The following ACAD11 variants were observed in gnomAD, a reference collection of about 807,000 sequenced individuals.
ACAD11 encodes acyl-Coenzyme A dehydrogenase family, member 11.
ACAD11 carries 83 observed loss-of-function variants against 102.2 expected under a neutral mutation model. The ratio of observed to expected loss-of-function variants is 0.81; its 90% CI spans 0.68 to 0.97. The LOEUF (loss-of-function observed/expected upper bound fraction) is 0.97. ACAD11 is among the 50% of genes least tolerant of loss of function. The pLI is 0.00. For synonymous variants in ACAD11, 324 were observed against 319.8 expected (o/e 1.01, Z -0.14); for missense variants, 901 against 951.7 (o/e 0.95, Z 0.70).
intron 5 of ACAD11, among the ~76,000 whole-genome samples, chr3:132,632,215 C>T (rs1940075324): frequency 6.6e-6 from 1 of 152,086 alleles, no homozygotes; most frequent in Non-Finnish European, 1.5e-5. Context: ...TCCCGAATAG[C>T]TGGGACTACA....
intron 11 of ACAD11, among the ~76,000 whole-genome samples, chr3:132,608,296 G>C (rs1312014940): frequency 6.6e-6 from 1 of 152,092 alleles, no homozygotes; most frequent in Non-Finnish European, 1.5e-5. Context: ...AATGTAAATG[G>C]GTTAAATGCC....
At chr3:132,596,215 G>A (rs1938300802) in intron 13 of ACAD11, among the ~76,000 whole-genome samples, 1 of 152,178 alleles carries the variant, frequency 6.6e-6, no homozygotes, top group African/African-American at 2.4e-5. Context: ...TCACTTATAA[G>A]TGGGAGCTAA....
At chr3:132,605,041 C>A in intron 12 of ACAD11, 57 bp downstream of exon 12, 1 of 1,336,766 alleles carries the variant, frequency 7.5e-7, no homozygotes, top group Non-Finnish European at 1.1e-6. Context: ...TTCAGCTCAT[C>A]CATAATAACT....
intron 7 of ACAD11, among the ~76,000 whole-genome samples, chr3:132,629,221 T>C (rs576039032): frequency 1.9e-4 from 29 of 152,278 alleles, no homozygotes; most frequent in African/African-American, 7.0e-4. Context: ...TGCAGTGGCA[T>C]GATCTCAGCT....
At chr3:132,564,692 C>G (rs886616608) in intron 17 of ACAD11, among the ~76,000 whole-genome samples, 1 of 152,186 alleles carries the variant, frequency 6.6e-6, no homozygotes, top group African/African-American at 2.4e-5. Flanking sequence ...ACAGCCTACA[C>G]AGACTAAGAA....
At chr3:132,584,006 G>T (rs1434927343) in intron 13 of ACAD11, among the ~76,000 whole-genome samples, 1 of 152,172 alleles carries the variant, frequency 6.6e-6, no homozygotes, top group East Asian at 1.9e-4. Flanking sequence ...GAATAGGTGT[G>T]GTGTGGTGCT....
In ACAD11 at chr3:132,621,732, C is replaced by A. The variant is rs146248173; in HGVS notation, c.1198-2187G>T. On this transcript the variant is annotated intron_variant, in intron 9 of 19. Coordinates refer to ENST00000264990, the MANE Select transcript of ACAD11 (RefSeq NM_032169.5). ...CAGCATTTTGGGAGGCCAAGGTGGG[C>A]AGATTACTTGAGGTCAGAAATTTGA... Among the ~76,000 whole-genome samples the A allele has an allele frequency of 6.8e-4, 104 of 151,994 alleles. 1 individual carries two copies. Among genetic ancestry groups the A allele is most frequent in the African/African-American group, 2.0e-3 (82 of 41,454 alleles).
At chr3:132,560,626 C>T (rs915856386) in intron 18 of ACAD11, among the ~76,000 whole-genome samples, 17 of 151,926 alleles carry the variant, frequency 1.1e-4, no homozygotes, top group African/African-American at 4.1e-4. Flanking sequence ...AGGCTGGTCT[C>T]GAATCCCTGG....
In ACAD11 at chr3:132,559,086, C is replaced by A. The variant is rs1387399869; in HGVS notation, c.2229-1G>T. 6.2e-7 allele frequency: 1 copy of A among 1,607,504 alleles called. No homozygotes were observed. The highest frequency in any genetic ancestry group is 2.2e-5 in the East Asian group (1 of 44,780). On this transcript the variant is annotated splice_acceptor_variant, in intron 19 of 19. Coordinates refer to ENST00000264990, the MANE Select transcript of ACAD11 (RefSeq NM_032169.5). LOFTEE classifies it high-confidence loss of function. ...ACGCAAAACTCGGGTTATAGCATAC[C>A]TGAAAAAGCAAAAGAATCAGGGAAC...
intron 1 of ACAD11, 73 bp from the exon 2 acceptor site, chr3:132,644,969 T>G: frequency 2.3e-6 from 2 of 887,254 alleles, no homozygotes; most frequent in South Asian, 3.3e-5. Flanking sequence ...CCTACTGAAA[T>G]GTCAGAAGAA....
intron 2 of ACAD11, among the ~76,000 whole-genome samples, chr3:132,644,123 A>G (rs1576618615): frequency 6.6e-6 from 1 of 152,190 alleles, no homozygotes; most frequent in South Asian, 2.1e-4. Context: ...TATTAAGCCT[A>G]CCCCACAATT....
chr3:132,626,436 A>G (rs1293113145), intron 9 of ACAD11, among the ~76,000 whole-genome samples: 1 of 151,556 alleles, frequency 6.6e-6, no homozygotes, highest in East Asian at 1.9e-4. Flanking sequence ...CAAGGCCCCC[A>G]AAGTAGTGTT....
intron 1 of ACAD11, among the ~76,000 whole-genome samples, chr3:132,658,946 G>T (rs1006176101): frequency 1.3e-5 from 2 of 152,184 alleles, no homozygotes; most frequent in East Asian, 1.9e-4. Flanking sequence ...GACAGATCCA[G>T]TTTTCTGAAT....
chr3:132,564,692 C>T (rs886616608), intron 17 of ACAD11, among the ~76,000 whole-genome samples: 2 of 152,186 alleles, frequency 1.3e-5, no homozygotes, highest in African/African-American at 4.8e-5. Flanking sequence ...ACAGCCTACA[C>T]AGACTAAGAA....
At chr3:132,638,444 C>T (rs901443577) in intron 5 of ACAD11, among the ~76,000 whole-genome samples, 3 of 152,034 alleles carry the variant, frequency 2.0e-5, no homozygotes, top group African/African-American at 7.2e-5. Context: ...GTTCACACTG[C>T]TAGGGAATGA....
chr3:132,628,477 A>G (rs1939909248), intron 7 of ACAD11, 31 bp from the exon 8 acceptor site: 1 of 1,462,356 alleles, frequency 6.8e-7, no homozygotes, highest in Non-Finnish European at 9.4e-7. Context: ...ATTAAAATTC[A>G]TTGAAAACCG....
At chr3:132,639,080 C>G (rs768936267) in intron 5 of ACAD11, among the ~76,000 whole-genome samples, 3 of 152,112 alleles carry the variant, frequency 2.0e-5, no homozygotes, top group Non-Finnish European at 4.4e-5. Flanking sequence ...TCTCTATTCT[C>G]AGAGTTTATA....
At chr3:132,601,291 C>T in intron 13 of ACAD11, 1 of 1,613,936 alleles carries the variant, frequency 6.2e-7, no homozygotes, top group Non-Finnish European at 8.5e-7. Flanking sequence ...ACAGCTGCCT[C>T]AACCCAATCC....
chr3:132,609,317 A>C (rs1939005234), intron 11 of ACAD11, among the ~76,000 whole-genome samples: 1 of 152,196 alleles, frequency 6.6e-6, no homozygotes, highest in Non-Finnish European at 1.5e-5. Flanking sequence ...AGATAGGGAC[A>C]AGAAAAACCC....
Sources: allele counts gnomAD v4.1 joint callset (sites outside exome capture counted in the v4.1 genomes callset), GRCh38; gene constraint gnomAD v4.1.1; transcripts MANE v1.5; gene names NCBI Gene and HGNC (gene_info 2026-07-23, HGNC 2026-07-21).